PARD3B: variants seen among roughly 807,000 people sequenced by gnomAD.
PARD3B encodes par-3 family cell polarity regulator beta.
Under a neutral mutation model 130.2 loss-of-function variants are expected in PARD3B, and 103 were observed. That is an observed-to-expected ratio of 0.79 (90% CI 0.67 to 0.93). The LOEUF is 0.93. Among genes scored for constraint, PARD3B ranks in the 40% least tolerant of loss-of-function variants. The probability of loss-of-function intolerance (pLI) is 0.00; values close to 1 mark genes in which losing one functional copy is unlikely to be tolerated. For synonymous variants in PARD3B, 583 were observed against 553.2 expected (o/e 1.05, Z -0.76); for missense variants, 1,609 against 1,499.2 (o/e 1.07, Z -1.21).
chr2:205,224,370 CAAAAAAA>C (rs1231030778), intron 15 of PARD3B, among the ~76,000 whole-genome samples: 1 of 56,002 alleles, frequency 1.8e-5, no homozygotes, highest in Non-Finnish European at 2.9e-5. Context: ...GACTCCGTCT[CAAAAAAA>C]AAAAAAAAAA....
chr2:204,616,051 C>G (rs1047763675), intron 1 of PARD3B, among the ~76,000 whole-genome samples: 4 of 152,072 alleles, frequency 2.6e-5, no homozygotes, highest in African/African-American at 9.7e-5. Flanking sequence ...ACCTAGATGA[C>G]CTTGAGTATG....
intron 22 of PARD3B, among the ~76,000 whole-genome samples, chr2:205,614,069 G>A (rs1273062231): frequency 1.3e-5 from 2 of 152,162 alleles, no homozygotes; most frequent in Non-Finnish European, 2.9e-5. Context: ...ATCTGGGGAT[G>A]GTGGTGGTGG....
chr2:205,422,040 T>C (rs1490514991), intron 19 of PARD3B, among the ~76,000 whole-genome samples: 1 of 152,144 alleles, frequency 6.6e-6, no homozygotes, highest in Non-Finnish European at 1.5e-5. Flanking sequence ...TCCATTCTTG[T>C]AAACAGATAA....
chr2:205,001,835 G>A (rs1694860889), intron 3 of PARD3B, among the ~76,000 whole-genome samples: 1 of 152,196 alleles, frequency 6.6e-6, no homozygotes, highest in Non-Finnish European at 1.5e-5. Context: ...GACAACAGTA[G>A]AGAGCAGCTC....
At chr2:205,511,740 ATATC>A (rs143028272) in intron 21 of PARD3B, among the ~76,000 whole-genome samples, 1 of 152,182 alleles carries the variant, frequency 6.6e-6, no homozygotes, top group Non-Finnish European at 1.5e-5. Context: ...GAAGATATGA[ATATC>A]TATCTAACTG....
chr2:205,174,217 A>G (rs2035338806), intron 12 of PARD3B, among the ~76,000 whole-genome samples: 1 of 152,206 alleles, frequency 6.6e-6, no homozygotes, highest in Non-Finnish European at 1.5e-5. Flanking sequence ...CCATCAGAAG[A>G]AAGTATGAAA....
chr2:205,453,380 T>A (rs2048168350), intron 20 of PARD3B, among the ~76,000 whole-genome samples: 1 of 152,130 alleles, frequency 6.6e-6, no homozygotes, highest in Non-Finnish European at 1.5e-5. Flanking sequence ...AGATGAAAGT[T>A]AGCACAGGCC....
chr2:205,278,376 G>A (rs1176811926), intron 16 of PARD3B, among the ~76,000 whole-genome samples: 3 of 152,190 alleles, frequency 2.0e-5, no homozygotes, highest in Non-Finnish European at 2.9e-5. Context: ...TCGGGGACTA[G>A]AGAGAACTGG....
At chr2:205,036,557 A>G (rs1456999850) in intron 3 of PARD3B, among the ~76,000 whole-genome samples, 1 of 149,590 alleles carries the variant, frequency 6.7e-6, no homozygotes, top group Non-Finnish European at 1.5e-5. Flanking sequence ...ATATATACAC[A>G]GCGGACTATA....
chr2:204,844,991 A>T (rs1391227614), intron 2 of PARD3B, among the ~76,000 whole-genome samples: 1 of 152,138 alleles, frequency 6.6e-6, no homozygotes, highest in African/African-American at 2.4e-5. Flanking sequence ...GGGAAAAAAG[A>T]TGCAGGATTT....
At chr2:204,801,786 T>C (rs552639954) in intron 2 of PARD3B, among the ~76,000 whole-genome samples, 2 of 152,344 alleles carry the variant, frequency 1.3e-5, no homozygotes, top group East Asian at 3.9e-4. Context: ...CTTGTGCTGG[T>C]TTTCAAAGGG....
intron 1 of PARD3B, among the ~76,000 whole-genome samples, chr2:204,683,062 C>T (rs113232761): frequency 2.0e-5 from 3 of 152,122 alleles, no homozygotes; most frequent in African/African-American, 4.8e-5. Context: ...AATTCATTCT[C>T]ATAGGCTAGT....
intron 15 of PARD3B, among the ~76,000 whole-genome samples, chr2:205,232,735 AGAAAAG>A (rs1280790851): frequency 6.6e-6 from 1 of 152,188 alleles, no homozygotes; most frequent in Non-Finnish European, 1.5e-5. Flanking sequence ...TTTCTAGAAA[AGAAAAG>A]TTTAATATCT....
At chr2:204,846,812 T>C (rs1346789765) in intron 2 of PARD3B, among the ~76,000 whole-genome samples, 3 of 151,884 alleles carry the variant, frequency 2.0e-5, no homozygotes, top group Admixed American at 2.0e-4. Flanking sequence ...TTAATTCTTA[T>C]ACCAGGAGAT....
At chr2:205,271,092 C>A (rs898708236) in intron 16 of PARD3B, among the ~76,000 whole-genome samples, 1 of 152,142 alleles carries the variant, frequency 6.6e-6, no homozygotes, top group Non-Finnish European at 1.5e-5. Context: ...TATTACATTA[C>A]TCTGTTACCA....
intron 1 of PARD3B, among the ~76,000 whole-genome samples, chr2:204,625,632 G>A (rs1469065471): frequency 6.6e-6 from 1 of 152,124 alleles, no homozygotes; most frequent in East Asian, 1.9e-4. Flanking sequence ...TCTAATTAAA[G>A]CAATACATTG....
chr2:205,569,358 T>C (rs750970658), intron 22 of PARD3B, among the ~76,000 whole-genome samples: 5 of 152,210 alleles, frequency 3.3e-5, no homozygotes, highest in Non-Finnish European at 4.4e-5. Flanking sequence ...AATTTTTATA[T>C]GTTAAATCTT....
intron 5 of PARD3B, among the ~76,000 whole-genome samples, chr2:205,108,558 ATCC>A (rs1703394762): frequency 6.6e-6 from 1 of 151,784 alleles, no homozygotes; most frequent in African/African-American, 2.4e-5. Context: ...CTCACAGACT[ATCC>A]TCGTTCAATA....
rs1477245877 is a variant in PARD3B, at chr2:205,183,731, TGTGTG to T, written c.1925-2032_1925-2028del. On this transcript the variant is annotated intron_variant, in intron 13 of 22. Coordinates refer to ENST00000406610, the MANE Select transcript of PARD3B (RefSeq NM_001302769.2). This position sits in a 1 kb window ranked among gnomAD's most constrained non-coding sequence, Gnocchi z 5.2. ...GTTCTGCAGAGAAACAGAACCAAGT[TGTGTG>T]TGTGTGTGTGTGTGTGTGTGTGTGT... Among the ~76,000 whole-genome samples the T allele has an allele frequency of 2.4e-4, 1 of 4,228 alleles. No individual in the cohort carries two copies. Among genetic ancestry groups the T allele is most frequent in the African/African-American group, 1.0e-3 (1 of 982 alleles). 2.8% of individuals were successfully genotyped at this position (4,228 alleles called of 152,430 possible).
Sources: allele counts gnomAD v4.1 joint callset (sites outside exome capture counted in the v4.1 genomes callset), GRCh38; gene constraint gnomAD v4.1.1; non-coding constraint Gnocchi (gnomAD v3.1); transcripts MANE v1.5; gene names NCBI Gene and HGNC (gene_info 2026-07-23, HGNC 2026-07-21).